The following C6orf163 variants were observed in gnomAD, a reference collection of about 807,000 sequenced individuals.
The protein encoded by C6orf163 is chromosome 6 open reading frame 163.
A neutral mutation model predicts 28.4 loss-of-function variants in C6orf163; 22 were observed. The ratio of observed to expected loss-of-function variants is 0.78; its 90% CI spans 0.55 to 1.11. The LOEUF (loss-of-function observed/expected upper bound fraction) is 1.11, where lower values mean the gene tolerates loss of function less well. C6orf163 is among the 50% of genes least tolerant of loss of function. C6orf163 has a pLI of 0.00. For missense variants in C6orf163, 342 were observed against 389.1 expected (o/e 0.88, Z 1.02); for synonymous variants, 110 against 123.6 (o/e 0.89, Z 0.73).
chr6:87,345,916 C>CAAAAAAAAAAAAAAAAAAAAAA (rs3044136), intron 1 of C6orf163, among the ~76,000 whole-genome samples: 1 of 44,648 alleles, frequency 2.2e-5, no homozygotes, highest in African/African-American at 8.3e-5. Flanking sequence ...GACTCTGCCT[C>CAAAAAAAAAAAAAAAAAAAAAA]AAAAAAAAAA....
At chr6:87,346,351 C>T (rs13193782) in intron 1 of C6orf163, among the ~76,000 whole-genome samples, 247 of 152,248 alleles carry the variant, frequency 1.6e-3, no homozygotes, top group Non-Finnish European at 2.3e-3. Context: ...TGTTTCTTAG[C>T]ATTTAGTAAG....
rs370121652 is a variant in C6orf163 at position 87,350,358 on chromosome 6, A to G, written c.244-36A>G. On this transcript the variant is annotated intron_variant, in intron 2 of 4. Transcript: ENST00000388923. Reference sequence around the variant, plus strand: ...GCCAAGTTTGCTTGTGCTTATTCTGATACATTAATAGATAAATGGACTCTT... The same window carrying G: ...GCCAAGTTTGCTTGTGCTTATTCTGGTACATTAATAGATAAATGGACTCTT... 234 of 1,297,510 alleles carry G rather than the reference A, an allele frequency of 1.8e-4. No homozygotes were observed. The African/African-American group carries it at 3.2e-3, about 18-fold the overall frequency. 80.4% of individuals were successfully genotyped at this position (1,297,510 alleles called of 1,614,324 possible). A position where few individuals can be genotyped will look rare whatever the true frequency, so the allele number is the denominator to read the frequency against.
At chr6:87,360,925 C>T (rs1269543800) in intron 4 of C6orf163, among the ~76,000 whole-genome samples, 1 of 152,134 alleles carries the variant, frequency 6.6e-6, no homozygotes, top group Admixed American at 6.5e-5. Context: ...CTGCACCCCA[C>T]CCCACTCCTG....
At chr6:87,346,396 G>A (rs1777324777) in intron 1 of C6orf163, among the ~76,000 whole-genome samples, 1 of 152,160 alleles carries the variant, frequency 6.6e-6, no homozygotes, top group South Asian at 2.1e-4. Flanking sequence ...GATCTCTAAA[G>A]TGACTTTTCA....
chr6:87,348,723 T>C (rs1562228741), intron 1 of C6orf163, 89 bp from the exon 2 acceptor site: 3 of 1,494,116 alleles, frequency 2.0e-6, no homozygotes, highest in Non-Finnish European at 2.7e-6. Flanking sequence ...GTCTCCTAAA[T>C]AGCCCTCATA....
At chr6:87,350,060 A>C (rs1235302873) in intron 2 of C6orf163, among the ~76,000 whole-genome samples, 1 of 152,194 alleles carries the variant, frequency 6.6e-6, no homozygotes, top group Non-Finnish European at 1.5e-5. Flanking sequence ...CACAATGCAC[A>C]TATGTTACTT....
chr6:87,349,616 A>C (rs1486611126), intron 2 of C6orf163, among the ~76,000 whole-genome samples: 1 of 152,232 alleles, frequency 6.6e-6, no homozygotes, highest in Admixed American at 6.5e-5. Flanking sequence ...TGCTTAGAAA[A>C]ATGTTTGTCA....
chr6:87,362,622 G>A (rs1323566498), intron 4 of C6orf163, among the ~76,000 whole-genome samples: 1 of 152,158 alleles, frequency 6.6e-6, no homozygotes, highest in East Asian at 1.9e-4. Context: ...AAATAGCTTA[G>A]TTGGTGGGAA....
At chr6:87,345,318 G>C in intron 1 of C6orf163, 71 bp downstream of exon 1, 1 of 1,376,960 alleles carries the variant, frequency 7.3e-7, no homozygotes, top group African/African-American at 1.5e-5. Flanking sequence ...CTGTTACATA[G>C]ACTTTTATCA....
chr6:87,356,112 C>T, intron 3 of C6orf163, 189 bp from the exon 4 acceptor site: 1 of 566,838 alleles, frequency 1.8e-6, no homozygotes, highest in East Asian at 2.8e-5. Flanking sequence ...ATAGTTTGTA[C>T]ATTTTTGGTT....
At chr6:87,353,331 C>A (rs1223191827) in intron 3 of C6orf163, among the ~76,000 whole-genome samples, 1 of 151,606 alleles carries the variant, frequency 6.6e-6, no homozygotes, top group Non-Finnish European at 1.5e-5. Context: ...TTGTTTGTAA[C>A]ACAAAGAAAG....
At chr6:87,346,274 A>G (rs533901145) in intron 1 of C6orf163, among the ~76,000 whole-genome samples, 85 of 150,966 alleles carry the variant, frequency 5.6e-4, no homozygotes, top group African/African-American at 2.0e-3. Flanking sequence ...AGGTGTTTGG[A>G]AAAAAAAACT....
chr6:87,357,981 T>G (rs1316687548), intron 4 of C6orf163: 1 of 152,216 alleles, frequency 6.6e-6, no homozygotes, highest in Non-Finnish European at 1.5e-5. Flanking sequence ...TGGCACATGG[T>G]AGGCATTCTT....
At chr6:87,349,851 C>T (rs1048818077) in intron 2 of C6orf163, among the ~76,000 whole-genome samples, 1 of 152,126 alleles carries the variant, frequency 6.6e-6, no homozygotes, top group Non-Finnish European at 1.5e-5. Context: ...CAATTATACA[C>T]CCTAATACAA....
At position 87,365,069 on chromosome 6, in the gene C6orf163, T is replaced by G; in HGVS notation, c.663T>G (p.Tyr221Ter). ...REKEHEMSIL[Y>*]GIAQRQRQEE... ...AAGAACATGAAATGAGCATCCTCTA[T>G]GGCATAGCTCAGAGGCAGAGGCAAG... The change falls in exon 5 of 5, where the codon TAT becomes TAG. Residue 221 changes from tyrosine (Y) to a stop codon, truncating the protein, a stop_gained. Coordinates refer to ENST00000388923, the MANE Select transcript of C6orf163 (RefSeq NM_001010868.3). LOFTEE classifies it high-confidence loss of function. The G allele has an allele frequency of 1.9e-6, 3 of 1,551,774 alleles. No individual in the cohort carries two copies. The highest frequency in any genetic ancestry group is 2.6e-6 in the Non-Finnish European group (3 of 1,146,936).
At chr6:87,360,603 G>A (rs1237710624) in intron 4 of C6orf163, among the ~76,000 whole-genome samples, 7 of 151,934 alleles carry the variant, frequency 4.6e-5, no homozygotes. Flanking sequence ...GCTTCTCCAT[G>A]TTGGCCAAGC....
At chr6:87,359,366 A>C (rs562532752) in intron 4 of C6orf163, among the ~76,000 whole-genome samples, 240 of 152,318 alleles carry the variant, frequency 1.6e-3, no homozygotes, top group Non-Finnish European at 2.7e-3. Flanking sequence ...AAGAGTGTTA[A>C]CAACCCGGGG....
chr6:87,347,236 T>C (rs1777338432), intron 1 of C6orf163: 1 of 183,816 alleles, frequency 5.4e-6, no homozygotes, highest in African/African-American at 2.4e-5. Context: ...CCCATTGAGA[T>C]TGGCTTTCTT....
At chr6:87,363,616 A>G (rs1002929649) in intron 4 of C6orf163, among the ~76,000 whole-genome samples, 5 of 151,644 alleles carry the variant, frequency 3.3e-5, no homozygotes, top group Non-Finnish European at 7.4e-5. Context: ...TTGTTCTTGC[A>G]ATAGTTTACT....
Sources: allele counts gnomAD v4.1 joint callset (sites outside exome capture counted in the v4.1 genomes callset), GRCh38; gene constraint gnomAD v4.1.1; transcripts MANE v1.5; gene names NCBI Gene and HGNC (gene_info 2026-07-23, HGNC 2026-07-21).